Variants in ZKSCAN8 observed in about 807,000 individuals in gnomAD.
ZKSCAN8 encodes the protein zinc finger with KRAB and SCAN domains 8, also known as zinc finger protein with KRAB and SCAN domains 8.
A neutral mutation model predicts 57.2 loss-of-function variants in ZKSCAN8; 27 were observed. The observed-to-expected ratio is 0.47, with a 90% CI of 0.35 to 0.65. ZKSCAN8 has a LOEUF of 0.65. ZKSCAN8 is among the 30% of genes least tolerant of loss of function. The probability of loss-of-function intolerance (pLI) is 0.01; values close to 1 mark genes in which losing one functional copy is unlikely to be tolerated. For missense variants in ZKSCAN8, 597 were observed against 696.3 expected (o/e 0.86, Z 1.60); for synonymous variants, 214 against 248.7 (o/e 0.86, Z 1.31).
rs1039586822 is a variant in ZKSCAN8 at position 28,158,114 on chromosome 6, T to C, written c.*4097T>C. The C allele has an allele frequency of 1.3e-5, 2 of 152,226 alleles. No individual in the cohort carries two copies. The highest frequency in any genetic ancestry group is 4.8e-5 in the African/African-American group (2 of 41,466). 9.4% of individuals were successfully genotyped at this position (152,226 alleles called of 1,614,324 possible). A position where few individuals can be genotyped will look rare whatever the true frequency, so the allele number is the denominator to read the frequency against. Reference sequence around the variant, plus strand: ...ACCAGTGGACAAATAATAAGGCCTTTTTTTATTATTATTTCTTGTCTTTTT... The same window carrying C: ...ACCAGTGGACAAATAATAAGGCCTTCTTTTATTATTATTTCTTGTCTTTTT... On this transcript the variant is annotated 3_prime_UTR_variant, in exon 6 of 6. Coordinates refer to ENST00000330236, the MANE Select transcript of ZKSCAN8 (RefSeq NM_006298.4).
chr6:28,148,847 G>A (rs1163713695), intron 2 of ZKSCAN8, 23 bp downstream of exon 2: 1 of 1,592,308 alleles, frequency 6.3e-7, no homozygotes. Flanking sequence ...AGGTATGCGT[G>A]CTATGACTGT....
chr6:28,152,904 A>G (rs1765640702), intron 5 of ZKSCAN8, 152 bp from the exon 6 acceptor site: 3 of 1,063,362 alleles, frequency 2.8e-6, no homozygotes, highest in Non-Finnish European at 4.0e-6. Context: ...CAAGGTCACT[A>G]TTAAGAAGCT....
At chr6:28,145,428 G>T (rs1230411970) in intron 1 of ZKSCAN8, among the ~76,000 whole-genome samples, 1 of 152,004 alleles carries the variant, frequency 6.6e-6, no homozygotes, top group Non-Finnish European at 1.5e-5. Flanking sequence ...AAAGGGCCTT[G>T]CATACCATGC....
rs1488464939 is a variant in ZKSCAN8 at position 28,159,435 on chromosome 6, G to T, written c.*5418G>T. The T allele has an allele frequency of 6.6e-6, 1 of 152,200 alleles. No homozygotes were observed. The highest frequency in any genetic ancestry group is 1.5e-5 in the Non-Finnish European group (1 of 68,036). The allele number at this position is 152,200 out of a possible 1,614,324, so 9.4% of individuals were successfully genotyped here. On this transcript the variant is annotated 3_prime_UTR_variant, in exon 6 of 6. Coordinates refer to ENST00000330236, the MANE Select transcript of ZKSCAN8 (RefSeq NM_006298.4). ...TAGTATAGTGCTGAGCACATAGTAG[G>T]CGTTTAATAAATGCTTGTTGAAGTA...
chr6:28,153,585 A>G lies in ZKSCAN8; in HGVS notation c.1305A>G (p.Glu435=), dbSNP rs537552625. 2 of 1,613,614 alleles carry G rather than the reference A, an allele frequency of 1.2e-6. No homozygotes were observed. Among genetic ancestry groups the G allele is most frequent in the South Asian group, 2.2e-5 (2 of 91,058 alleles). Residue 435 remains glutamate (E), a synonymous_variant, in exon 6 of 6, where the codon GAA becomes GAG. Transcript: ENST00000330236. ...QRIHSGERPY[E]CNECGKAFSH... is the part of the protein sequence containing the mutation. ...TCCACAGTGGAGAGAGACCCTATGAATGTAATGAGTGTGGGAAAGCTTTCA... is the reference window on the plus strand; with the variant it reads ...TCCACAGTGGAGAGAGACCCTATGAGTGTAATGAGTGTGGGAAAGCTTTCA...
chr6:28,151,748 T>C (rs1335647865), intron 3 of ZKSCAN8, 97 bp from the exon 4 acceptor site: 2 of 1,007,290 alleles, frequency 2.0e-6, no homozygotes, highest in Non-Finnish European at 3.1e-6. Context: ...CATACATGTA[T>C]ATCTGCTGAA....
chr6:28,152,265 T>C lies in ZKSCAN8; in HGVS notation c.656T>C (p.Leu219Ser), dbSNP rs763365880. The part of the protein sequence containing the change: ...ATLLTAGFQT[L>S]EKIEDMAVSL... ...GGGGATCTTGTTTTGTTTCAGACTT[T>C]GGAGAAGATTGAAGACATGGCTGTG... is the stretch of plus-strand genomic sequence containing the variant. The change falls in exon 5 of 6, where the codon TTG becomes TCG. Residue 219 changes from leucine to serine, a missense_variant. Physicochemically the swap from Leu to Ser is moderately radical, Grantham distance 145 (BLOSUM62 -2). Coordinates refer to ENST00000330236, the MANE Select transcript of ZKSCAN8 (RefSeq NM_006298.4). 9 of 1,605,848 alleles carry C rather than the reference T, an allele frequency of 5.6e-6. No homozygotes were observed. Among genetic ancestry groups the C allele is most frequent in the Non-Finnish European group, 7.6e-6 (9 of 1,177,482 alleles).
chr6:28,150,691 A>T (rs1765563542), intron 3 of ZKSCAN8, among the ~76,000 whole-genome samples: 1 of 152,096 alleles, frequency 6.6e-6, no homozygotes, highest in African/African-American at 2.4e-5. Context: ...CATTCCTTCT[A>T]CATTTCTTTA....
chr6:28,149,358 T>C, intron 2 of ZKSCAN8, 125 bp from the exon 3 acceptor site: 2 of 1,248,464 alleles, frequency 1.6e-6, no homozygotes, highest in South Asian at 3.0e-5. Flanking sequence ...CCCTAAGAAG[T>C]GAGGAAGATT....
In ZKSCAN8 at chr6:28,153,223, A is replaced by C. The variant is rs773142736; in HGVS notation, c.943A>C (p.Asn315His). Reference sequence around the variant, plus strand: ...GGGCAGATTAGAGAGGCAGCGGGGAAATCCCACACAAGAGAGACGACATAA... The same window carrying C: ...GGGCAGATTAGAGAGGCAGCGGGGACATCCCACACAAGAGAGACGACATAA... ...LLGRLERQRGNPTQERRHKCD... is the reference protein window; with the variant it reads ...LLGRLERQRGHPTQERRHKCD... The change falls in exon 6 of 6, where the codon AAT (asparagine) becomes CAT (histidine). Residue 315 changes from asparagine to histidine, a missense_variant. Coordinates refer to ENST00000330236, the MANE Select transcript of ZKSCAN8 (RefSeq NM_006298.4). The C allele has an allele frequency of 6.2e-7, 1 of 1,614,204 alleles. No homozygotes were observed. Among genetic ancestry groups the C allele is most frequent in the South Asian group, 1.1e-5 (1 of 91,088 alleles).
chr6:28,147,509 T>C, intron 1 of ZKSCAN8, among the ~76,000 whole-genome samples: 1 of 152,226 alleles, frequency 6.6e-6, no homozygotes, highest in East Asian at 1.9e-4. Flanking sequence ...AAAACTATAT[T>C]CACACCAAAA....
At chr6:28,148,231 T>C in intron 1 of ZKSCAN8, 85 bp from the exon 2 acceptor site, 1 of 618,302 alleles carries the variant, frequency 1.6e-6, no homozygotes, top group Non-Finnish European at 2.7e-6. Flanking sequence ...GAAGTCCGTG[T>C]CATACTAAGG....
intron 2 of ZKSCAN8, 163 bp downstream of exon 2, chr6:28,148,987 T>C: frequency 2.3e-6 from 2 of 862,822 alleles, no homozygotes. Context: ...CTTTTTACTT[T>C]TGTAAAGGAT....
Position 28,148,695 on chromosome 6 carries a change from G to A in ZKSCAN8, c.288G>A (p.Leu96=), listed in dbSNP as rs1561819292. The A allele has an allele frequency of 6.2e-7, 1 of 1,614,146 alleles. No homozygotes were observed. The highest frequency in any genetic ancestry group is 8.5e-7 in the Non-Finnish European group (1 of 1,180,020). The change falls in exon 2 of 6, where the codon CTG becomes CTA. Residue 96 remains leucine, a synonymous_variant. Transcript: ENST00000330236. ...TKEQILELLV[L]EQFLTILPEE... ...AACAGATCCTGGAGCTGCTGGTGCT[G>A]GAGCAGTTCTTGACCATCCTACCTG...
At chr6:28,145,042 G>C (rs1765347040) in intron 1 of ZKSCAN8, among the ~76,000 whole-genome samples, 1 of 152,102 alleles carries the variant, frequency 6.6e-6, no homozygotes, top group African/African-American at 2.4e-5. Flanking sequence ...GGGCGACAGA[G>C]CAAGACTCCA....
Position 28,149,634 on chromosome 6 carries a change from C to G in ZKSCAN8, c.559+10C>G. 6.2e-7 allele frequency: 1 copy of G among 1,613,052 alleles called. No individual in the cohort carries two copies. The highest frequency in any genetic ancestry group is 8.5e-7 in the Non-Finnish European group (1 of 1,179,576). Reference sequence around the variant, plus strand: ...GAGTCACAAGAGAGAGGTGAGTAGCCAGATTTCATTGATGATAAGGGGGGG... The same window carrying G: ...GAGTCACAAGAGAGAGGTGAGTAGCGAGATTTCATTGATGATAAGGGGGGG... On this transcript the variant is annotated intron_variant, in intron 3 of 5. Transcript: ENST00000330236.
Position 28,155,275 on chromosome 6 carries a change from C to T in ZKSCAN8, c.*1258C>T, listed in dbSNP as rs907133272. ...AAAGATGTACTCTTAAACTCAGTAT[C>T]ACCAGGCACTATATTTCATCTTTGA... On this transcript the variant is annotated 3_prime_UTR_variant, in exon 6 of 6. Transcript: ENST00000330236. The T allele has an allele frequency of 2.6e-5, 4 of 152,150 alleles. No homozygotes were observed. Among genetic ancestry groups the T allele is most frequent in the African/African-American group, 9.7e-5 (4 of 41,430 alleles). The allele number at this position is 152,150 out of a possible 1,614,324, so 9.4% of individuals were successfully genotyped here.
chr6:28,149,740 C>A, intron 3 of ZKSCAN8, 116 bp downstream of exon 3: 2 of 1,172,458 alleles, frequency 1.7e-6, no homozygotes, highest in Non-Finnish European at 2.3e-6. Context: ...CAGACCAGTC[C>A]CAAAGTCTGT....
At position 28,154,093 on chromosome 6, in the gene ZKSCAN8, C is replaced by T. The variant is rs1277388070; in HGVS notation, c.*76C>T. ...CACTGGTGAGAGGTCTTTCAGTGTA[C>T]TAAAAGGCAGAAAGGTCATCACAAC... On this transcript the variant is annotated 3_prime_UTR_variant, in exon 6 of 6. Transcript: ENST00000330236. 6.7e-7 allele frequency: 1 copy of T among 1,500,418 alleles called. No individual in the cohort carries two copies. Among genetic ancestry groups the T allele is most frequent in the East Asian group, 2.3e-5 (1 of 44,080 alleles). The allele number at this position is 1,500,418 out of a possible 1,614,324, so 92.9% of individuals were successfully genotyped here. A position where few individuals can be genotyped will look rare whatever the true frequency, so the allele number is the denominator to read the frequency against.
Sources: allele counts gnomAD v4.1 joint callset (sites outside exome capture counted in the v4.1 genomes callset), GRCh38; gene constraint gnomAD v4.1.1; transcripts MANE v1.5; gene names NCBI Gene and HGNC (gene_info 2026-07-23, HGNC 2026-07-21).